XPA: variants seen among roughly 807,000 people sequenced by gnomAD.
XPA encodes DNA repair protein complementing XP-A cells.
XPA carries 27 observed loss-of-function variants against 35.7 expected under a neutral mutation model. The observed-to-expected ratio is 0.76, with a 90% CI of 0.56 to 1.04. XPA has a LOEUF of 1.04. Ranked by LOEUF, XPA falls within the 50% of genes least tolerant of loss-of-function variation. The pLI is 0.00. For synonymous variants in XPA, 133 were observed against 118.4 expected (o/e 1.12, Z -0.80); for missense variants, 354 against 342.7 (o/e 1.03, Z -0.26).
At chr9:97,682,419 C>G in intron 5 of XPA, 1 of 518,826 alleles carries the variant, frequency 1.9e-6, no homozygotes, top group Non-Finnish European at 3.8e-6. Context: ...TTCAGGAAGG[C>G]GGGAACAACC....
the XPA span, chr9:97,664,273 G>C: frequency 1.0e-6 from 1 of 967,586 alleles, no homozygotes. Flanking sequence ...TAGCAGCAGT[G>C]TGGTGGCACA....
At chr9:97,663,054 A>C in the XPA span, 2 of 1,587,514 alleles carry the variant, frequency 1.3e-6, no homozygotes, top group Non-Finnish European at 1.7e-6. Flanking sequence ...ACAGGTAAAA[A>C]TTATTTAATT....
chr9:97,689,230 G>A (rs1048061996), intron 3 of XPA, among the ~76,000 whole-genome samples: 1 of 152,052 alleles, frequency 6.6e-6, no homozygotes, highest in Non-Finnish European at 1.5e-5. Context: ...AGAAGGGTTA[G>A]CAGCCTACTA....
chr9:97,668,298 T>C, the XPA span, among the ~76,000 whole-genome samples: 1 of 152,236 alleles, frequency 6.6e-6, no homozygotes, highest in African/African-American at 2.4e-5. Flanking sequence ...AAAGAAAAAA[T>C]TAAATTCTAT....
chr9:97,670,335 T>C (rs997349966), downstream of XPA, among the ~76,000 whole-genome samples: 1 of 152,218 alleles, frequency 6.6e-6, no homozygotes, highest in Non-Finnish European at 1.5e-5. Flanking sequence ...TGTTATCCAA[T>C]GTGCAGGTGG....
At chr9:97,695,001 T>C (rs1195587363) in intron 1 of XPA, among the ~76,000 whole-genome samples, 2 of 152,220 alleles carry the variant, frequency 1.3e-5, no homozygotes, top group East Asian at 1.9e-4. Flanking sequence ...AGATACTGTA[T>C]GACTCAATGT....
downstream of XPA, chr9:97,669,978 A>G: frequency 2.2e-6 from 1 of 457,662 alleles, no homozygotes. Context: ...GCTGGAGTTC[A>G]GTGACACGAT....
intron 4 of XPA, among the ~76,000 whole-genome samples, chr9:97,686,471 T>C (rs3176682): frequency 0.12 from 17,962 of 152,236 alleles, 3,010 homozygotes; most frequent in African/African-American, 0.37. Context: ...TATGAAATTC[T>C]TGAAATTTTT....
At chr9:97,682,579 C>T (rs1202481898) in intron 5 of XPA, 1 of 421,372 alleles carries the variant, frequency 2.4e-6, no homozygotes, top group Non-Finnish European at 4.7e-6. Context: ...TACAGAGACA[C>T]TTGGAAAATA....
chr9:97,668,426 G>C, the XPA span, among the ~76,000 whole-genome samples: 3 of 152,194 alleles, frequency 2.0e-5, no homozygotes, highest in Non-Finnish European at 4.4e-5. Flanking sequence ...TATGTCGGCT[G>C]GAGCCATTTC....
At chr9:97,659,597 T>C in the XPA span, among the ~76,000 whole-genome samples, 2 of 152,202 alleles carry the variant, frequency 1.3e-5, no homozygotes, top group Admixed American at 6.5e-5. Flanking sequence ...TGCTTTTGAG[T>C]GGTGGAGCCC....
At chr9:97,659,082 GTATTGAGAACA>G in the XPA span, among the ~76,000 whole-genome samples, 2 of 152,204 alleles carry the variant, frequency 1.3e-5, no homozygotes, top group Non-Finnish European at 2.9e-5. Flanking sequence ...TTCAGGTGTG[GTATTGAGAACA>G]TAGATGCACA....
chr9:97,692,561 G>A (rs918413975), intron 2 of XPA, among the ~76,000 whole-genome samples: 1 of 152,174 alleles, frequency 6.6e-6, no homozygotes, highest in African/African-American at 2.4e-5. Flanking sequence ...TTAGAATGAA[G>A]AGAAAGTGTG....
Position 97,693,662 on chromosome 9 carries a change from A to G in XPA, c.270T>C (p.Val90=), listed in dbSNP as rs756123715. 2 of 1,613,562 alleles carry G rather than the reference A, an allele frequency of 1.2e-6. No homozygotes were observed. The highest frequency in any genetic ancestry group is 1.7e-6 in the Non-Finnish European group (2 of 1,179,906). Residue 90 remains valine, a synonymous_variant, in exon 2 of 6, where the codon GTT becomes GTC. Transcript: ENST00000375128. ...EEEEEQKIGK[V]VHQPGPVMEF... ...AACTCACTTTACCTGGTTGATGAAC[A>G]ACTTTTCCAATTTTCTGTTCTTCTT... is the stretch of plus-strand genomic sequence containing the variant.
Position 97,697,179 on chromosome 9 carries a change from C to T in XPA, c.114G>A (p.Leu38=), listed in dbSNP as rs771672431. ...GCCGGGCAGCCAGCCGGGCCTGGCG[C>T]AGCATCAGTGCCCGCTGCCGCTTCC... ...IERKRQRALM[L]RQARLAARPY... Residue 38 remains leucine (L), a synonymous_variant, in exon 1 of 6, where the codon CTG becomes CTA. Coordinates refer to ENST00000375128, the MANE Select transcript of XPA (RefSeq NM_000380.4). 6.9e-6 allele frequency: 11 copies of T among 1,591,544 alleles called. No individual in the cohort carries two copies. Among genetic ancestry groups the T allele is most frequent in the Middle Eastern group, 2.1e-4 (1 of 4,792 alleles).
intron 2 of XPA, among the ~76,000 whole-genome samples, chr9:97,690,444 G>A (rs1233637944): frequency 6.6e-6 from 1 of 152,148 alleles, no homozygotes; most frequent in Non-Finnish European, 1.5e-5. Context: ...TTTTAGTGCA[G>A]TGGTGCAATC....
At chr9:97,668,629 A>G in the XPA span, among the ~76,000 whole-genome samples, 2 of 152,156 alleles carry the variant, frequency 1.3e-5, no homozygotes, top group Non-Finnish European at 2.9e-5. Context: ...CCTGGCCTAG[A>G]TAAGAACCCA....
At chr9:97,654,811 C>G in the XPA span, 1 of 1,286,992 alleles carries the variant, frequency 7.8e-7, no homozygotes, top group African/African-American at 1.5e-5. Context: ...TGTTTTATTT[C>G]TATTCTTGTC....
intron 5 of XPA, among the ~76,000 whole-genome samples, chr9:97,684,094 CTG>C (rs1828631374): frequency 6.6e-6 from 1 of 152,220 alleles, no homozygotes. Flanking sequence ...AAAGTGACCT[CTG>C]TGCTCCTGCA....
Sources: allele counts gnomAD v4.1 joint callset (sites outside exome capture counted in the v4.1 genomes callset), GRCh38; gene constraint gnomAD v4.1.1; transcripts MANE v1.5; gene names NCBI Gene and HGNC (gene_info 2026-07-23, HGNC 2026-07-21).